The following ENPEP variants were observed in gnomAD, a reference collection of about 807,000 sequenced individuals.
The protein encoded by ENPEP is glutamyl aminopeptidase.
In ENPEP, 103 loss-of-function variants were observed where a neutral mutation model predicts 114.5. The observed-to-expected ratio is 0.90, with a 90% CI of 0.77 to 1.06. The LOEUF (loss-of-function observed/expected upper bound fraction) is 1.06, where lower values mean the gene tolerates loss of function less well. Among genes scored for constraint, ENPEP ranks in the 50% least tolerant of loss-of-function variants. The pLI, the probability that ENPEP is intolerant of heterozygous loss-of-function variation, is 0.00. For missense variants in ENPEP, 1,196 were observed against 1,161.3 expected, an observed-to-expected ratio of 1.03 and a Z score of -0.43; for synonymous variants, 420 against 422.0, an observed-to-expected ratio of 1.00 and a Z score of 0.06.
intron 1 of ENPEP, among the ~76,000 whole-genome samples, chr4:110,481,887 T>C (rs1359148793): frequency 6.6e-6 from 1 of 152,150 alleles, no homozygotes; most frequent in African/African-American, 2.4e-5. Flanking sequence ...TGAATTTTGA[T>C]GTTCTGGTGG....
intron 3 of ENPEP, among the ~76,000 whole-genome samples, chr4:110,496,728 A>G (rs1472586754): frequency 1.3e-5 from 2 of 152,102 alleles, no homozygotes; most frequent in Non-Finnish European, 2.9e-5. Flanking sequence ...GGTTTGTGTG[A>G]TGTTTCCTCA....
intron 3 of ENPEP, among the ~76,000 whole-genome samples, chr4:110,496,102 C>T (rs1331702828): frequency 2.6e-5 from 4 of 152,162 alleles, no homozygotes; most frequent in Admixed American, 2.6e-4. Context: ...CTAGGATTCT[C>T]TCTGTGAATG....
chr4:110,521,008 G>A (rs1296858644), intron 10 of ENPEP, among the ~76,000 whole-genome samples: 2 of 152,174 alleles, frequency 1.3e-5, no homozygotes, highest in Non-Finnish European at 2.9e-5. Flanking sequence ...GGAGAGCTAA[G>A]GATTTCCATT....
intron 7 of ENPEP, among the ~76,000 whole-genome samples, chr4:110,514,395 C>T (rs892372355): frequency 3.9e-5 from 6 of 151,906 alleles, no homozygotes; most frequent in Non-Finnish European, 7.4e-5. Context: ...TTGACTTTCC[C>T]TCTCATATGA....
At chr4:110,544,722 C>T (rs1374970102) in intron 13 of ENPEP, among the ~76,000 whole-genome samples, 2 of 152,096 alleles carry the variant, frequency 1.3e-5, no homozygotes, top group Non-Finnish European at 2.9e-5. Context: ...GTTTAATTTG[C>T]ACCACAATGT....
chr4:110,521,761 A>G (rs574227641), intron 10 of ENPEP, among the ~76,000 whole-genome samples: 6 of 152,198 alleles, frequency 3.9e-5, no homozygotes, highest in Non-Finnish European at 8.8e-5. Flanking sequence ...TAGACCAACT[A>G]AAAATAAATT....
chr4:110,538,602 AG>A (rs1453454125), intron 11 of ENPEP, among the ~76,000 whole-genome samples: 1 of 152,226 alleles, frequency 6.6e-6, no homozygotes, highest in African/African-American at 2.4e-5. Flanking sequence ...TCACTGGAGT[AG>A]GACTTTTAAT....
intron 10 of ENPEP, among the ~76,000 whole-genome samples, chr4:110,523,163 T>A (rs1726069316): frequency 6.6e-6 from 1 of 152,140 alleles, no homozygotes; most frequent in African/African-American, 2.4e-5. Flanking sequence ...AGCCCATCCG[T>A]TTGGTCAACT....
chr4:110,492,155 A>G (rs1425178764), intron 3 of ENPEP, among the ~76,000 whole-genome samples: 1 of 152,138 alleles, frequency 6.6e-6, no homozygotes, highest in Non-Finnish European at 1.5e-5. Context: ...TGTGCCATAT[A>G]TGTCATATAT....
At chr4:110,510,963 T>G (rs2110354879) in intron 6 of ENPEP, among the ~76,000 whole-genome samples, 1 of 152,300 alleles carries the variant, frequency 6.6e-6, no homozygotes. Flanking sequence ...TATTAACAGG[T>G]AGTGTGTCCC....
chr4:110,557,390 G>C (rs995235289), intron 18 of ENPEP, among the ~76,000 whole-genome samples: 5 of 152,204 alleles, frequency 3.3e-5, no homozygotes, highest in African/African-American at 1.2e-4. Context: ...AAATTACCTA[G>C]AATGATGGCA....
intron 1 of ENPEP, among the ~76,000 whole-genome samples, chr4:110,480,709 T>G (rs1246165542): frequency 1.3e-5 from 2 of 152,196 alleles, no homozygotes; most frequent in Non-Finnish European, 2.9e-5. Flanking sequence ...CCAAGTTGCT[T>G]TCTCTCAAGA....
chr4:110,557,442 G>A (rs1339062521), intron 18 of ENPEP, among the ~76,000 whole-genome samples: 2 of 152,186 alleles, frequency 1.3e-5, no homozygotes, highest in African/African-American at 4.8e-5. Context: ...CATTAAATGC[G>A]AGGGACTAAC....
intron 2 of ENPEP, among the ~76,000 whole-genome samples, chr4:110,489,064 C>CTGTTT (rs1245036593): frequency 1.3e-5 from 2 of 152,040 alleles, no homozygotes; most frequent in East Asian, 3.9e-4. Context: ...AATATAAATC[C>CTGTTT]AGTTTTTGTT....
At chr4:110,504,735 A>G (rs537047671) in intron 3 of ENPEP, among the ~76,000 whole-genome samples, 1 of 152,352 alleles carries the variant, frequency 6.6e-6, no homozygotes, top group Non-Finnish European at 1.5e-5. Flanking sequence ...ACCAACAGAA[A>G]TACAAAAAAA....
chr4:110,507,131 C>T (rs1277554202), intron 4 of ENPEP, among the ~76,000 whole-genome samples: 1 of 152,156 alleles, frequency 6.6e-6, no homozygotes, highest in Non-Finnish European at 1.5e-5. Flanking sequence ...GCCTCCCTGT[C>T]ATCAGCGAGT....
At chr4:110,556,935 G>A (rs141208864) in intron 18 of ENPEP, among the ~76,000 whole-genome samples, 11 of 152,248 alleles carry the variant, frequency 7.2e-5, no homozygotes, top group East Asian at 3.9e-4. Context: ...GTTCTCTGTC[G>A]TCATGAAGCT....
chr4:110,541,199 T>C (rs748114850), intron 11 of ENPEP, among the ~76,000 whole-genome samples: 1 of 152,114 alleles, frequency 6.6e-6, no homozygotes, highest in Non-Finnish European at 1.5e-5. Flanking sequence ...ACTCCGAAAG[T>C]TCCTAAAGAA....
intron 3 of ENPEP, among the ~76,000 whole-genome samples, chr4:110,500,664 A>G (rs1725121351): frequency 6.6e-6 from 1 of 152,236 alleles, no homozygotes; most frequent in East Asian, 1.9e-4. Flanking sequence ...TAAAGAAGAA[A>G]GAAAATACAT....
Sources: gnomAD v4.1 joint callset for allele counts (sites outside exome capture counted in the v4.1 genomes callset) on GRCh38, gnomAD v4.1.1 for gene constraint, MANE v1.5 for transcripts, NCBI Gene and HGNC (gene_info 2026-07-23, HGNC 2026-07-21) for gene names.